ZNF600: variants seen among roughly 807,000 people sequenced by gnomAD.
The protein encoded by ZNF600 is zinc finger protein KR-ZNF1.
Under a neutral mutation model 7.3 loss-of-function variants are expected in ZNF600, and 4 were observed. The observed-to-expected ratio is 0.55, with a 90% CI of 0.27 to 1.25. ZNF600 has a LOEUF of 1.25. Ranked by LOEUF, ZNF600 falls within the 50% of genes most tolerant of loss-of-function variation. The pLI is 0.12. For missense variants in ZNF600, 911 were observed against 922.1 expected, an observed-to-expected ratio of 0.99 and a Z score of 0.16; for synonymous variants, 290 against 308.9, an observed-to-expected ratio of 0.94 and a Z score of 0.64.
chr19:52,788,141 C>T (rs1311127196), upstream of ZNF600, among the ~76,000 whole-genome samples: 1 of 152,180 alleles, frequency 6.6e-6, no homozygotes, highest in Non-Finnish European at 1.5e-5. Flanking sequence ...AGTGCAGCCT[C>T]TTCCCAAGCT....
chr19:52,777,306 A>ACT (rs2062683970), intron 2 of ZNF600, among the ~76,000 whole-genome samples: 1 of 152,196 alleles, frequency 6.6e-6, no homozygotes, highest in Non-Finnish European at 1.5e-5. Context: ...TGAAGCCAGA[A>ACT]GGCAGAGGGG....
chr19:52,779,317 G>T (rs1459277125), intron 1 of ZNF600, among the ~76,000 whole-genome samples: 1 of 152,218 alleles, frequency 6.6e-6, no homozygotes, highest in Admixed American at 6.5e-5. Context: ...GCCACTGCAG[G>T]TATTACTGAG....
the ZNF600 span, among the ~76,000 whole-genome samples, chr19:52,833,185 T>C: frequency 7.7e-3 from 1,180 of 152,324 alleles, 19 homozygotes; most frequent in African/African-American, 0.027. Context: ...CATTAATGTA[T>C]GTATTTCATA....
chr19:52,767,094 T>C (rs1451040364), exon 4 of ZNF600: 12 of 1,613,772 alleles, frequency 7.4e-6, no homozygotes, highest in Non-Finnish European at 9.3e-6. Context: ...TCCACACTCA[T>C]TACACTTGTA....
intron 3 of ZNF600, among the ~76,000 whole-genome samples, chr19:52,773,198 G>A (rs1384621193): frequency 6.6e-6 from 1 of 152,210 alleles, no homozygotes; most frequent in African/African-American, 2.4e-5. Flanking sequence ...CTTTGTGCAT[G>A]CATGTCTGTG....
chr19:52,799,355 T>C, the ZNF600 span: 1 of 536,200 alleles, frequency 1.9e-6, no homozygotes, highest in Non-Finnish European at 3.4e-6. Context: ...TACATCTGTG[T>C]GGTTTCTCTT....
the ZNF600 span, among the ~76,000 whole-genome samples, chr19:52,814,611 G>T: frequency 6.9e-6 from 1 of 145,340 alleles, no homozygotes; most frequent in African/African-American, 2.7e-5. Context: ...AAAAAGCTGG[G>T]CGAGGTGGCT....
At chr19:52,787,680 A>G (rs1408046723), upstream of ZNF600, among the ~76,000 whole-genome samples, 4 of 151,088 alleles carry the variant, frequency 2.6e-5, no homozygotes, top group Admixed American at 2.6e-4. Flanking sequence ...AACACAGTGA[A>G]ACCCCATCTC....
At chr19:52,810,803 G>C in the ZNF600 span, 1 of 417,980 alleles carries the variant, frequency 2.4e-6, no homozygotes, top group Non-Finnish European at 4.2e-6. Context: ...AGATGACCTT[G>C]ATGGAAAAAA....
At chr19:52,801,423 C>A in the ZNF600 span, 1 of 1,614,184 alleles carries the variant, frequency 6.2e-7, no homozygotes. Flanking sequence ...AAAGCTTAAT[C>A]CAAGCTGATC....
At position 52,773,869 on chromosome 19, in the gene ZNF600, T is replaced by TA. The variant is rs879759131; in HGVS notation, c.190+705dup. Among the ~76,000 whole-genome samples the TA allele has an allele frequency of 1.0e-3, 142 of 142,656 alleles. 3 individuals are homozygous for TA. The highest frequency in any genetic ancestry group is 2.1e-3 in the African/African-American group (82 of 39,092). The allele number at this position is 142,656 out of a possible 152,430, so 93.6% of individuals were successfully genotyped here. On this transcript the variant is annotated intron_variant, in intron 3 of 3. Coordinates refer to ENST00000648973, the Ensembl canonical transcript of ZNF600. ...CTGTGTGACAGAGCAATACTCCATC[T>TA]AAAAAAAAAAAGAAGAAACTATAAC...
chr19:52,824,421 G>C, the ZNF600 span, among the ~76,000 whole-genome samples: 2 of 152,116 alleles, frequency 1.3e-5, no homozygotes, highest in Non-Finnish European at 2.9e-5. Context: ...GATCACCTGA[G>C]GTCAGGACTG....
Position 52,778,820 on chromosome 19 carries a change from C to A in ZNF600, c.63+6G>T. On this transcript the variant is annotated splice_donor_region_variant and intron_variant, in intron 2 of 3. Coordinates refer to ENST00000648973, the Ensembl canonical transcript of ZNF600. ...CAGATTAATCCACAGAGGAATATCACTTCACCTGAGGAAGAGCCATGCCTG... is the reference window on the plus strand; with the variant it reads ...CAGATTAATCCACAGAGGAATATCAATTCACCTGAGGAAGAGCCATGCCTG... The A allele has an allele frequency of 6.2e-7, 1 of 1,606,164 alleles. No individual in the cohort carries two copies. The highest frequency in any genetic ancestry group is 8.5e-7 in the Non-Finnish European group (1 of 1,178,334).
the ZNF600 span, among the ~76,000 whole-genome samples, chr19:52,829,832 G>A: frequency 5.3e-5 from 8 of 152,118 alleles, no homozygotes; most frequent in African/African-American, 1.9e-4. Context: ...GTTTCTGACA[G>A]GACAGTGAAA....
upstream of ZNF600, chr19:52,786,834 A>G (rs1559238): frequency 0.33 from 98,213 of 298,482 alleles, 19,877 homozygotes; most frequent in East Asian, 0.7. Context: ...GGCGGGGTAG[A>G]GGCGGGGCCC....
chr19:52,818,555 A>G, the ZNF600 span, among the ~76,000 whole-genome samples: 15,974 of 152,092 alleles, frequency 0.11, 1,238 homozygotes, highest in African/African-American at 0.2. Context: ...TCTACTAAAA[A>G]TACAAAAAGT....
chr19:52,799,992 T>C, the ZNF600 span: 6 of 1,612,818 alleles, frequency 3.7e-6, no homozygotes, highest in Non-Finnish European at 5.1e-6. Context: ...CGATGATGTC[T>C]GACGGAAGGT....
the ZNF600 span, among the ~76,000 whole-genome samples, chr19:52,815,388 G>C: frequency 6.9e-6 from 1 of 145,024 alleles, no homozygotes; most frequent in African/African-American, 2.7e-5. Context: ...ATAGTGGCAA[G>C]CACCTGTAGT....
chr19:52,807,760 C>T, the ZNF600 span: 2 of 644,614 alleles, frequency 3.1e-6, no homozygotes, highest in East Asian at 3.4e-5. Flanking sequence ...CAGGCGTGAG[C>T]CACCACGACC....
Sources: allele counts gnomAD v4.1 joint callset (sites outside exome capture counted in the v4.1 genomes callset), GRCh38; gene constraint gnomAD v4.1.1; transcripts MANE v1.5; gene names NCBI Gene and HGNC (gene_info 2026-07-23, HGNC 2026-07-21).